Variants in PTPRQ observed in about 807,000 individuals in gnomAD.
PTPRQ encodes protein tyrosine phosphatase receptor type Q, also known as phosphatidylinositol phosphatase PTPRQ.
A neutral mutation model predicts 246.0 loss-of-function variants in PTPRQ; 199 were observed. The ratio of observed to expected loss-of-function variants is 0.81; its 90% CI spans 0.72 to 0.91. The LOEUF (loss-of-function observed/expected upper bound fraction) is 0.91. Ranked by LOEUF, PTPRQ falls within the 40% of genes least tolerant of loss-of-function variation. The probability of loss-of-function intolerance (pLI) is 0.00; values close to 1 mark genes in which losing one functional copy is unlikely to be tolerated. For missense variants in PTPRQ, 2,624 were observed against 2,528.4 expected (o/e 1.04, Z -0.81); for synonymous variants, 869 against 853.2 (o/e 1.02, Z -0.32).
chr12:80,537,704 T>G (rs940911394), intron 19 of PTPRQ, among the ~76,000 whole-genome samples: 1 of 152,214 alleles, frequency 6.6e-6, no homozygotes, highest in African/African-American at 2.4e-5. Flanking sequence ...ATATTGTTCT[T>G]CCTTCAGTTG....
In PTPRQ at chr12:80,459,280, C is replaced by G; in HGVS notation, c.461-4C>G. ...TTTTCCTTCCCAATCTTTCTCTTCCCCAGCTCCAGGAAAAGTGGTGAATCT... is the reference window on the plus strand; with the variant it reads ...TTTTCCTTCCCAATCTTTCTCTTCCGCAGCTCCAGGAAAAGTGGTGAATCT... On this transcript the variant is annotated splice_region_variant and splice_polypyrimidine_tract_variant and intron_variant, in intron 4 of 44. Coordinates refer to ENST00000644991, the MANE Select transcript of PTPRQ (RefSeq NM_001145026.2). 2.5e-6 allele frequency: 1 copy of G among 398,288 alleles called. No individual in the cohort carries two copies. Among genetic ancestry groups the G allele is most frequent in the South Asian group, 1.3e-4 (1 of 7,832 alleles). The allele number at this position is 398,288 out of a possible 1,614,324, so 24.7% of individuals were successfully genotyped here.
chr12:80,612,978 C>A (rs7970868), intron 28 of PTPRQ, among the ~76,000 whole-genome samples: 9,077 of 150,376 alleles, frequency 0.06, 621 homozygotes, highest in African/African-American at 0.16. Context: ...GCATATACTG[C>A]AAATAAAAGA....
chr12:80,524,933 A>G (rs946160195), intron 17 of PTPRQ, among the ~76,000 whole-genome samples: 7 of 152,186 alleles, frequency 4.6e-5, no homozygotes, highest in African/African-American at 1.7e-4. Context: ...CAGCGCATTT[A>G]TAGGATTATA....
intron 37 of PTPRQ, among the ~76,000 whole-genome samples, chr12:80,651,991 T>A (rs959029053): frequency 1.3e-5 from 2 of 152,120 alleles, no homozygotes; most frequent in Non-Finnish European, 2.9e-5. Flanking sequence ...GAAAAATTGT[T>A]AAAACACATA....
chr12:80,458,031 G>A (rs1893033154), intron 4 of PTPRQ, among the ~76,000 whole-genome samples: 2 of 151,708 alleles, frequency 1.3e-5, no homozygotes, highest in African/African-American at 2.4e-5. Context: ...TTTATATCCT[G>A]CCTTTTCTTT....
chr12:80,580,126 T>G (rs1425271858), intron 25 of PTPRQ, among the ~76,000 whole-genome samples: 1 of 152,190 alleles, frequency 6.6e-6, no homozygotes, highest in Non-Finnish European at 1.5e-5. Flanking sequence ...AATTACATTT[T>G]ATACATGTAT....
At chr12:80,514,402 ACT>A (rs1350863785) in intron 17 of PTPRQ, among the ~76,000 whole-genome samples, 28 of 113,020 alleles carry the variant, frequency 2.5e-4, no homozygotes, top group East Asian at 1.9e-3. Flanking sequence ...ACACACACAC[ACT>A]CTCTCTCTCT....
chr12:80,539,761 G>C lies in PTPRQ; in HGVS notation c.2986-15G>C. ...AAAAAATACATTCTGAACAATGAAT[G>C]TGTTTATTTTTCAGAATTTTACACT... is the stretch of plus-strand genomic sequence containing the variant. On this transcript the variant is annotated splice_polypyrimidine_tract_variant and intron_variant, in intron 19 of 44. Transcript: ENST00000644991. The C allele has an allele frequency of 2.6e-6, 4 of 1,517,218 alleles. No homozygotes were observed. The highest frequency in any genetic ancestry group is 3.5e-6 in the Non-Finnish European group (4 of 1,133,740). The allele number at this position is 1,517,218 out of a possible 1,614,324, so 94.0% of individuals were successfully genotyped here. A position where few individuals can be genotyped will look rare whatever the true frequency, so the allele number is the denominator to read the frequency against.
chr12:80,563,267 G>A (rs1414330044), intron 25 of PTPRQ, among the ~76,000 whole-genome samples: 1 of 152,088 alleles, frequency 6.6e-6, no homozygotes, highest in Non-Finnish European at 1.5e-5. Flanking sequence ...CCATTTTCGT[G>A]TTCATAGATG....
At chr12:80,468,582 A>G (rs2120529048) in intron 6 of PTPRQ, 128 bp from the exon 7 acceptor site, 2 of 948,474 alleles carry the variant, frequency 2.1e-6, no homozygotes, top group East Asian at 6.2e-5. Context: ...TTTAAGATAA[A>G]AAAACTCTGC....
intron 35 of PTPRQ, among the ~76,000 whole-genome samples, chr12:80,635,483 A>G (rs1178105139): frequency 6.6e-6 from 1 of 152,096 alleles, no homozygotes; most frequent in Non-Finnish European, 1.5e-5. Flanking sequence ...CCATTTTTAT[A>G]AAAGCTTTTT....
chr12:80,621,743 A>G (rs1399354046), intron 32 of PTPRQ, among the ~76,000 whole-genome samples: 1 of 152,028 alleles, frequency 6.6e-6, no homozygotes, highest in African/African-American at 2.4e-5. Context: ...CCCTTCACAG[A>G]TATCAAATCA....
chr12:80,605,027 G>A, intron 26 of PTPRQ, 32 bp from the exon 27 acceptor site: 9 of 1,521,800 alleles, frequency 5.9e-6, no homozygotes, highest in Non-Finnish European at 8.0e-6. Flanking sequence ...TAATTCTAAT[G>A]TAGCTAGATA....
At chr12:80,478,607 C>A (rs1236381807) in intron 8 of PTPRQ, among the ~76,000 whole-genome samples, 1 of 151,970 alleles carries the variant, frequency 6.6e-6, no homozygotes, top group African/African-American at 2.4e-5. Context: ...AAACCAAAGG[C>A]AAAGAAGTTG....
At chr12:80,478,205 C>T (rs1198542157) in intron 8 of PTPRQ, among the ~76,000 whole-genome samples, 2 of 148,832 alleles carry the variant, frequency 1.3e-5, no homozygotes, top group African/African-American at 2.6e-5. Flanking sequence ...ACTGCCTCCT[C>T]AAGTGGGTCC....
intron 3 of PTPRQ, among the ~76,000 whole-genome samples, chr12:80,456,725 T>C (rs1190436204): frequency 6.6e-6 from 1 of 152,174 alleles, no homozygotes; most frequent in Non-Finnish European, 1.5e-5. Context: ...TGTTAGCCAT[T>C]GCAGAATTCC....
At chr12:80,643,539 T>A (rs1390901196) in intron 35 of PTPRQ, among the ~76,000 whole-genome samples, 1 of 152,188 alleles carries the variant, frequency 6.6e-6, no homozygotes, top group African/African-American at 2.4e-5. Context: ...GTTAGGATAT[T>A]TTAAATTTAT....
In PTPRQ at chr12:80,588,134, A is replaced by G; in HGVS notation, c.4291A>G (p.Ser1431Gly). Reference sequence around the variant, plus strand: ...TTTTTCCCTTTAATTTTTAGTTCCCAGTGTTCCCACAAATATTGCTTTTTC... The same window carrying G: ...TTTTTCCCTTTAATTTTTAGTTCCCGGTGTTCCCACAAATATTGCTTTTTC... ...HVSTLPETVP[S>G]VPTNIAFSDV... is the part of the protein sequence containing the mutation. Residue 1431 changes from serine (S) to glycine (G), a missense_variant, in exon 26 of 45, where the codon AGT (serine) becomes GGT (glycine). Ser to Gly is a moderately conservative substitution (Grantham distance 56). Coordinates refer to ENST00000644991, the MANE Select transcript of PTPRQ (RefSeq NM_001145026.2). The G allele has an allele frequency of 6.6e-7, 1 of 1,522,038 alleles. No individual in the cohort carries two copies. Among genetic ancestry groups the G allele is most frequent in the Non-Finnish European group, 8.8e-7 (1 of 1,132,796 alleles). 94.3% of individuals were successfully genotyped at this position (1,522,038 alleles called of 1,614,324 possible).
chr12:80,656,112 T>G (rs1565844617), intron 38 of PTPRQ, among the ~76,000 whole-genome samples: 1 of 152,164 alleles, frequency 6.6e-6, no homozygotes, highest in Admixed American at 6.6e-5. Context: ...AGTTACAATG[T>G]CATTAAACTA....
Sources: gnomAD v4.1 joint callset for allele counts (sites outside exome capture counted in the v4.1 genomes callset) on GRCh38, gnomAD v4.1.1 for gene constraint, MANE v1.5 for transcripts, NCBI Gene and HGNC (gene_info 2026-07-23, HGNC 2026-07-21) for gene names.